The following ERG variants were observed in gnomAD, a reference collection of about 807,000 sequenced individuals.
The protein encoded by ERG is transcriptional regulator ERG.
Under a neutral mutation model 55.3 loss-of-function variants are expected in ERG, and 9 were observed. That is an observed-to-expected ratio of 0.16 (90% confidence interval 0.10 to 0.28). ERG has a LOEUF of 0.28. Ranked by LOEUF, ERG falls within the 10% of genes least tolerant of loss-of-function variation. The probability of loss-of-function intolerance (pLI) is 1.00; values close to 1 mark genes in which losing one functional copy is unlikely to be tolerated. For missense variants in ERG, 434 were observed against 631.6 expected (o/e 0.69, Z 3.35); for synonymous variants, 223 against 237.3 (o/e 0.94, Z 0.55).
At chr21:38,502,105 C>T (rs979924668), upstream of ERG, among the ~76,000 whole-genome samples, 2 of 152,176 alleles carry the variant, frequency 1.3e-5, no homozygotes, top group Admixed American at 6.5e-5. Flanking sequence ...AGAGGAGATC[C>T]GTCTGAACCT....
intron 1 of ERG, among the ~76,000 whole-genome samples, chr21:38,649,883 G>A (rs16996671): frequency 0.017 from 2,586 of 152,264 alleles, 76 homozygotes; most frequent in African/African-American, 0.059. Context: ...ATGAAGCATC[G>A]CTACACACCA....
chr21:38,501,968 G>A (rs940903904), upstream of ERG, among the ~76,000 whole-genome samples: 1 of 152,078 alleles, frequency 6.6e-6, no homozygotes, highest in South Asian at 2.1e-4. Context: ...TCTAAAGATC[G>A]AACAAGTTCT....
rs183478528 is a variant in ERG at position 38,564,108 on chromosome 21, T to G, written c.-41+11554A>C. Among the ~76,000 whole-genome samples, 258 of 152,044 alleles carry G rather than the reference T, an allele frequency of 1.7e-3. 1 individual carries two copies. Among genetic ancestry groups the G allele is most frequent in the Non-Finnish European group, 2.8e-3 (190 of 67,972 alleles). ...AAAAAAAAAAACTGCTGCAAAGTGA[T>G]GCTGTGTTCATTTTGCACAGAACCC... On this transcript the variant is annotated intron_variant, in intron 2 of 8. Coordinates refer to the ERG transcript ENST00000398897.
intron 1 of ERG, among the ~76,000 whole-genome samples, chr21:38,622,921 C>T (rs534431031): frequency 1.1e-4 from 15 of 130,838 alleles, no homozygotes; most frequent in Admixed American, 6.8e-4. Flanking sequence ...ACATGCTCAG[C>T]CATACCACAC....
intron 1 of ERG, among the ~76,000 whole-genome samples, chr21:38,626,747 A>G (rs976014163): frequency 1.3e-5 from 2 of 152,204 alleles, no homozygotes; most frequent in East Asian, 3.8e-4. Flanking sequence ...AGGGAAGTCA[A>G]ATTAGTATTA....
At chr21:38,473,892 G>C (rs1234999248) in intron 1 of ERG, 1 of 151,812 alleles carries the variant, frequency 6.6e-6, no homozygotes, top group South Asian at 2.1e-4. Context: ...GCGTATGTGT[G>C]TGTAAGTGTT....
chr21:38,504,346 T>C (rs1218830269), intron 2 of ERG, among the ~76,000 whole-genome samples: 4 of 152,172 alleles, frequency 2.6e-5, no homozygotes, highest in African/African-American at 9.7e-5. Flanking sequence ...TTTAGGCCAA[T>C]TTTGCTCTTA....
chr21:38,594,745 G>A (rs376324617), intron 1 of ERG, among the ~76,000 whole-genome samples: 2 of 152,300 alleles, frequency 1.3e-5, no homozygotes, highest in South Asian at 2.1e-4. Context: ...AGGCAATCCA[G>A]ACAACAATAA....
chr21:38,370,815 T>C, the ERG span, among the ~76,000 whole-genome samples: 1 of 152,064 alleles, frequency 6.6e-6, no homozygotes, highest in Non-Finnish European at 1.5e-5. Flanking sequence ...TTAATTACAA[T>C]AACTTTATAA....
In ERG at chr21:38,381,372, A is replaced by G. The variant is rs991121218; in HGVS notation, c.*2031T>C. 9 of 1,063,558 alleles carry G rather than the reference A, an allele frequency of 8.5e-6. No homozygotes were observed. Among genetic ancestry groups the G allele is most frequent in the Non-Finnish European group, 9.1e-6 (8 of 878,220 alleles). The allele number at this position is 1,063,558 out of a possible 1,614,324, so 65.9% of individuals were successfully genotyped here. On this transcript the variant is annotated 3_prime_UTR_variant, in exon 10 of 10. Transcript: ENST00000288319. ...GCAGCATTTGTGATTCAAAGAAAAG[A>G]TGCCCAGGGAAACTGACTCTAGATT...
Position 38,621,890 on chromosome 21 carries a change from G to A in ERG, c.-149-36945C>T, listed in dbSNP as rs556202723. 1.1e-4 allele frequency among the ~76,000 whole-genome samples: 17 copies of A among 152,274 alleles called. 1 individual carries two copies. The South Asian group carries it at 3.1e-3, about 28-fold the overall frequency. On this transcript the variant is annotated intron_variant, in intron 1 of 10. Coordinates refer to the ERG transcript ENST00000398910. The stretch of plus-strand genomic sequence containing the variant: ...CTTTCCAGCAATGAAAACCTGCTCC[G>A]AAGAAAAAATGGCTGACATCGAGAT...
Position 38,380,610 on chromosome 21 carries a change from G to T in ERG, c.*2793C>A. 1 of 1,065,432 alleles carries T rather than the reference G, an allele frequency of 9.4e-7. No individual in the cohort carries two copies. Among genetic ancestry groups the T allele is most frequent in the Non-Finnish European group, 1.1e-6 (1 of 879,384 alleles). The allele number at this position is 1,065,432 out of a possible 1,614,324, so 66.0% of individuals were successfully genotyped here. A position where few individuals can be genotyped will look rare whatever the true frequency, so the allele number is the denominator to read the frequency against. The stretch of plus-strand genomic sequence containing the variant: ...CAATTATGAATATGACCTGGAGGGG[G>T]CTTTGGAATTAGATTACAACAGTAA... On this transcript the variant is annotated 3_prime_UTR_variant, in exon 10 of 10. Coordinates refer to ENST00000288319, the MANE Select transcript of ERG (RefSeq NM_182918.4).
chr21:38,655,864 C>T (rs2060515821), intron 1 of ERG, among the ~76,000 whole-genome samples: 1 of 152,188 alleles, frequency 6.6e-6, no homozygotes, highest in African/African-American at 2.4e-5. Flanking sequence ...GGCTGGTACC[C>T]AGCTCTGCCC....
chr21:38,492,941 T>C (rs1188469571), intron 1 of ERG, among the ~76,000 whole-genome samples: 6 of 152,248 alleles, frequency 3.9e-5, no homozygotes, highest in Admixed American at 3.9e-4. Context: ...GATTCTGTTC[T>C]TATCTGTCAG....
chr21:38,431,895 T>C (rs1393947316), intron 2 of ERG, among the ~76,000 whole-genome samples: 2 of 152,168 alleles, frequency 1.3e-5, no homozygotes, highest in Non-Finnish European at 2.9e-5. Flanking sequence ...AGTGCTCACA[T>C]GCTGCAGCCA....
intron 1 of ERG, among the ~76,000 whole-genome samples, chr21:38,477,265 A>G (rs1243411445): frequency 6.6e-6 from 1 of 151,974 alleles, no homozygotes; most frequent in East Asian, 1.9e-4. Flanking sequence ...TGGCCTCCCA[A>G]AATGTTGGGA....
At chr21:38,459,694 C>T (rs1455733730) in intron 1 of ERG, among the ~76,000 whole-genome samples, 1 of 152,146 alleles carries the variant, frequency 6.6e-6, no homozygotes, top group African/African-American at 2.4e-5. Context: ...CTAGTCTCCA[C>T]TAGAAATCAC....
In ERG at chr21:38,382,863, C is replaced by A; in HGVS notation, c.*540G>T. ...TCAAACGGAATGTATTTGATTTCAA[C>A]CAAAACAGCACATGCCATGCAGTTG... is the stretch of plus-strand genomic sequence containing the variant. On this transcript the variant is annotated 3_prime_UTR_variant, in exon 10 of 10. Transcript: ENST00000288319. The A allele has an allele frequency of 9.4e-7, 1 of 1,066,360 alleles. No homozygotes were observed. Among genetic ancestry groups the A allele is most frequent in the Non-Finnish European group, 1.1e-6 (1 of 879,648 alleles). 66.1% of individuals were successfully genotyped at this position (1,066,360 alleles called of 1,614,324 possible).
chr21:38,627,752 C>T lies in ERG; in HGVS notation c.-150+33906G>A, dbSNP rs73444320. Reference sequence around the variant, plus strand: ...CATGTTTTTAAAGATGTGAATTAGACAGCCAGACTTTCTTATCTGTCTGAC... The same window carrying T: ...CATGTTTTTAAAGATGTGAATTAGATAGCCAGACTTTCTTATCTGTCTGAC... On this transcript the variant is annotated intron_variant, in intron 1 of 10. Coordinates refer to the ERG transcript ENST00000398910. Among the ~76,000 whole-genome samples, 377 of 152,234 alleles carry T rather than the reference C, an allele frequency of 2.5e-3. 2 individuals are homozygous for T. Among genetic ancestry groups the T allele is most frequent in the African/African-American group, 8.3e-3 (346 of 41,546 alleles).
Sources: gnomAD v4.1 joint callset for allele counts (sites outside exome capture counted in the v4.1 genomes callset) on GRCh38, gnomAD v4.1.1 for gene constraint, MANE v1.5 for transcripts, NCBI Gene and HGNC (gene_info 2026-07-23, HGNC 2026-07-21) for gene names.